Variants in SPIDR observed in about 807,000 individuals in gnomAD.
SPIDR encodes scaffold protein involved in DNA repair.
In SPIDR, 93 loss-of-function variants were observed where a neutral mutation model predicts 104.6. The observed-to-expected ratio is 0.89, with a 90% CI of 0.75 to 1.06. The LOEUF is 1.06. Among genes scored for constraint, SPIDR ranks in the 50% least tolerant of loss-of-function variants. The probability of loss-of-function intolerance (pLI) is 0.00; values close to 1 mark genes in which losing one functional copy is unlikely to be tolerated. For missense variants in SPIDR, 1,154 were observed against 1,111.2 expected (o/e 1.04, Z -0.55); for synonymous variants, 431 against 416.9 (o/e 1.03, Z -0.41).
intron 5 of SPIDR, among the ~76,000 whole-genome samples, chr8:47,322,817 T>C (rs1259457602): frequency 6.6e-6 from 1 of 152,052 alleles, no homozygotes; most frequent in African/African-American, 2.4e-5. Context: ...AAACCATCAT[T>C]CTCAGCAAAC....
At chr8:47,297,136 A>G (rs2040996866) in intron 5 of SPIDR, among the ~76,000 whole-genome samples, 2 of 152,136 alleles carry the variant, frequency 1.3e-5, no homozygotes, top group African/African-American at 2.4e-5. Flanking sequence ...AGCATTTTCT[A>G]TATGTGAGAC....
chr8:47,425,758 AAGTG>A (rs2066308149), intron 7 of SPIDR, among the ~76,000 whole-genome samples: 1 of 152,224 alleles, frequency 6.6e-6, no homozygotes, highest in South Asian at 2.1e-4. Context: ...ACACAGTAAA[AAGTG>A]AGTACAACTT....
intron 5 of SPIDR, among the ~76,000 whole-genome samples, chr8:47,393,852 C>T (rs2060926215): frequency 6.6e-6 from 1 of 150,542 alleles, no homozygotes; most frequent in Admixed American, 6.6e-5. Flanking sequence ...TCCCTTCCTT[C>T]CTTCCTTCCG....
intron 2 of SPIDR, 147 bp from the exon 3 acceptor site, chr8:47,283,881 C>A: frequency 3.4e-6 from 2 of 582,054 alleles, no homozygotes; most frequent in Admixed American, 3.0e-5. Context: ...GGAGTACATG[C>A]TTTGGGATTA....
At chr8:47,526,832 G>C (rs1465076308) in intron 8 of SPIDR, among the ~76,000 whole-genome samples, 1 of 152,200 alleles carries the variant, frequency 6.6e-6, no homozygotes, top group African/African-American at 2.4e-5. Context: ...ATGGTTTTTA[G>C]CTTCATCAGA....
chr8:47,556,689 T>C (rs2091365437), intron 8 of SPIDR, among the ~76,000 whole-genome samples: 1 of 152,136 alleles, frequency 6.6e-6, no homozygotes, highest in South Asian at 2.1e-4. Flanking sequence ...AGCCTCACAC[T>C]CCTGGGCTGA....
At chr8:47,670,334 G>A (rs2075627404) in intron 10 of SPIDR, among the ~76,000 whole-genome samples, 2 of 152,038 alleles carry the variant, frequency 1.3e-5, no homozygotes, top group Non-Finnish European at 2.9e-5. Context: ...ACATCAAAAC[G>A]TATACTTTTA....
At chr8:47,470,196 G>C (rs1554719943) in intron 8 of SPIDR, among the ~76,000 whole-genome samples, 1 of 152,176 alleles carries the variant, frequency 6.6e-6, no homozygotes. Flanking sequence ...ACTAGTATAA[G>C]GAGAGAGATA....
intron 8 of SPIDR, among the ~76,000 whole-genome samples, chr8:47,519,829 C>A (rs1365747356): frequency 6.6e-6 from 1 of 151,084 alleles, no homozygotes; most frequent in Non-Finnish European, 1.5e-5. Flanking sequence ...AACAAGTTTC[C>A]AAAAAAAATA....
chr8:47,617,360 C>T (rs2064475101), intron 10 of SPIDR, among the ~76,000 whole-genome samples: 1 of 152,142 alleles, frequency 6.6e-6, no homozygotes, highest in Non-Finnish European at 1.5e-5. Context: ...TCAGAGAAGG[C>T]GTGGCATACA....
chr8:47,626,394 T>G (rs1025471791), intron 10 of SPIDR, among the ~76,000 whole-genome samples: 3 of 152,170 alleles, frequency 2.0e-5, no homozygotes, highest in African/African-American at 7.2e-5. Flanking sequence ...AAATGGGATC[T>G]AATTAAACTA....
chr8:47,547,288 A>G, intron 8 of SPIDR: 2 of 583,444 alleles, frequency 3.4e-6, no homozygotes, highest in South Asian at 2.9e-5. Context: ...GGTGTCATAG[A>G]TGAGACGAAA....
chr8:47,341,213 C>G (rs530770813), intron 5 of SPIDR, among the ~76,000 whole-genome samples: 1 of 152,318 alleles, frequency 6.6e-6, no homozygotes, highest in East Asian at 1.9e-4. Flanking sequence ...GGAGTTGAAA[C>G]AGTGTACTGA....
intron 5 of SPIDR, among the ~76,000 whole-genome samples, chr8:47,366,001 C>A (rs998445314): frequency 6.6e-6 from 1 of 150,756 alleles, no homozygotes; most frequent in Non-Finnish European, 1.5e-5. Context: ...CACACACAAA[C>A]ACACAGAGTT....
intron 7 of SPIDR, among the ~76,000 whole-genome samples, chr8:47,419,831 T>G (rs1554678544): frequency 6.6e-6 from 1 of 152,226 alleles, no homozygotes; most frequent in Non-Finnish European, 1.5e-5. Context: ...TTTGTTCTCG[T>G]TGGTTTCAAA....
At position 47,657,979 on chromosome 8, in the gene SPIDR, G is replaced by A. The variant is rs567881407; in HGVS notation, c.1545-15822G>A. Among the ~76,000 whole-genome samples the A allele has an allele frequency of 8.3e-4, 118 of 141,978 alleles. 1 individual carries two copies. The highest frequency in any genetic ancestry group is 8.4e-4 in the Non-Finnish European group (56 of 66,920). 93.1% of individuals were successfully genotyped at this position (141,978 alleles called of 152,430 possible). ...CAGGAGGTTGAGGCTGCACTGAGCCGTGATCATGCCACTGCACACCAGCCT... is the reference window on the plus strand; with the variant it reads ...CAGGAGGTTGAGGCTGCACTGAGCCATGATCATGCCACTGCACACCAGCCT... On this transcript the variant is annotated intron_variant, in intron 10 of 19. Transcript: ENST00000297423.
chr8:47,603,274 A>G (rs1235602778), intron 10 of SPIDR, among the ~76,000 whole-genome samples: 1 of 152,188 alleles, frequency 6.6e-6, no homozygotes, highest in East Asian at 1.9e-4. Context: ...GTGCAGGTCC[A>G]GACCATATTA....
At chr8:47,503,064 G>A (rs898586521) in intron 8 of SPIDR, among the ~76,000 whole-genome samples, 13 of 152,176 alleles carry the variant, frequency 8.5e-5, no homozygotes, top group African/African-American at 2.4e-5. Flanking sequence ...CAACTATGTG[G>A]TCAGTTTTGG....
intron 5 of SPIDR, among the ~76,000 whole-genome samples, chr8:47,335,272 T>C (rs1237709623): frequency 1.3e-5 from 2 of 152,210 alleles, no homozygotes; most frequent in African/African-American, 4.8e-5. Flanking sequence ...CTGTAGAACT[T>C]CTTTTAATAC....
Sources: gnomAD v4.1 joint callset for allele counts (sites outside exome capture counted in the v4.1 genomes callset) on GRCh38, gnomAD v4.1.1 for gene constraint, MANE v1.5 for transcripts, NCBI Gene and HGNC (gene_info 2026-07-23, HGNC 2026-07-21) for gene names.